Variants in WWOX observed in about 807,000 individuals in gnomAD.
WWOX encodes the protein WW domain containing oxidoreductase.
WWOX carries 69 observed loss-of-function variants against 46.2 expected under a neutral mutation model. The observed-to-expected ratio is 1.49, with a 90% CI of 1.23 to 1.82. The LOEUF is 1.82. WWOX is among the 40% of genes most tolerant of loss of function. WWOX has a pLI of 0.00. For synonymous variants in WWOX, 359 were observed against 202.6 expected, an observed-to-expected ratio of 1.77 and a Z score of -6.56; for missense variants, 919 against 542.6, an observed-to-expected ratio of 1.69 and a Z score of -6.89.
intron 5 of WWOX, among the ~76,000 whole-genome samples, chr16:78,233,564 T>G (rs2037340125): frequency 6.7e-6 from 1 of 150,186 alleles, no homozygotes; most frequent in Non-Finnish European, 1.5e-5. Context: ...TCTTGCTCTT[T>G]TGCCCAGGCT....
intron 5 of WWOX, among the ~76,000 whole-genome samples, chr16:78,332,734 A>T (rs888897364): frequency 1.3e-5 from 2 of 152,152 alleles, no homozygotes; most frequent in African/African-American, 4.8e-5. Flanking sequence ...ATGACTGAGG[A>T]TCACTGAGTG....
intron 5 of WWOX, among the ~76,000 whole-genome samples, chr16:78,276,044 G>A (rs1203183527): frequency 1.3e-5 from 2 of 152,180 alleles, no homozygotes; most frequent in African/African-American, 2.4e-5. Context: ...CTTCTGGCTG[G>A]CAGGGGTTTC....
chr16:79,170,646 C>T (rs149848303), intron 8 of WWOX, among the ~76,000 whole-genome samples: 6 of 148,916 alleles, frequency 4.0e-5, no homozygotes, highest in African/African-American at 1.2e-4. Flanking sequence ...ATGGAACTCA[C>T]TTTCACAGTC....
chr16:79,151,569 A>T (rs2050279733), intron 8 of WWOX, among the ~76,000 whole-genome samples: 1 of 152,216 alleles, frequency 6.6e-6, no homozygotes, highest in African/African-American at 2.4e-5. Context: ...TTAGAAGGCG[A>T]CAGAGCTGAG....
chr16:79,101,490 T>G (rs1184787409), intron 8 of WWOX: 1 of 152,196 alleles, frequency 6.6e-6, no homozygotes, highest in Non-Finnish European at 1.5e-5. Context: ...CAAAAATGCC[T>G]ACTCCCTATT....
At chr16:78,541,960 A>G (rs1000600247) in intron 8 of WWOX, among the ~76,000 whole-genome samples, 5 of 134,814 alleles carry the variant, frequency 3.7e-5, no homozygotes, top group African/African-American at 1.1e-4. Flanking sequence ...GACTATTTGC[A>G]TGGATTGGTG....
intron 8 of WWOX, among the ~76,000 whole-genome samples, chr16:79,151,744 T>A (rs1024260878): frequency 3.3e-5 from 5 of 152,290 alleles, no homozygotes; most frequent in African/African-American, 9.6e-5. Flanking sequence ...CCAGGGTGCC[T>A]GACAGCCAGA....
chr16:79,186,424 A>G (rs1000878893), intron 8 of WWOX, among the ~76,000 whole-genome samples: 6 of 152,264 alleles, frequency 3.9e-5, no homozygotes, highest in African/African-American at 9.6e-5. Flanking sequence ...AGCTGCAACT[A>G]TCTGACCTCT....
chr16:78,210,025 A>G (rs781190769), intron 5 of WWOX, among the ~76,000 whole-genome samples: 9 of 152,132 alleles, frequency 5.9e-5, no homozygotes, highest in Non-Finnish European at 8.8e-5. Flanking sequence ...AAAGTACGAG[A>G]AAAGCCAAAA....
intron 8 of WWOX, among the ~76,000 whole-genome samples, chr16:78,565,774 C>T (rs577917317): frequency 5.3e-5 from 8 of 152,208 alleles, no homozygotes; most frequent in East Asian, 1.9e-4. Flanking sequence ...CCAGGCTATC[C>T]GCGGAAGTAG....
intron 8 of WWOX, among the ~76,000 whole-genome samples, chr16:78,506,744 CT>C (rs1156771876): frequency 1.6e-5 from 2 of 121,688 alleles, no homozygotes; most frequent in African/African-American, 6.7e-5. Flanking sequence ...GAGTCTTGCT[CT>C]GTTGTCCAGG....
At chr16:78,376,164 C>G (rs1474187925) in intron 5 of WWOX, among the ~76,000 whole-genome samples, 1 of 152,116 alleles carries the variant, frequency 6.6e-6, no homozygotes, top group Non-Finnish European at 1.5e-5. Flanking sequence ...CTCGTAGATA[C>G]TACCCAGGAA....
chr16:78,527,606 C>G (rs1409432616), intron 8 of WWOX, among the ~76,000 whole-genome samples: 1 of 152,162 alleles, frequency 6.6e-6, no homozygotes, highest in Non-Finnish European at 1.5e-5. Flanking sequence ...ACTTGTATCT[C>G]TTAATGAGTT....
chr16:78,792,366 G>C (rs971382028), intron 8 of WWOX, among the ~76,000 whole-genome samples: 4 of 152,096 alleles, frequency 2.6e-5, no homozygotes, highest in African/African-American at 4.8e-5. Context: ...GTTAAAGGTA[G>C]AAACAGAAAA....
chr16:79,089,961 GA>G (rs1436065740), intron 8 of WWOX: 198 of 136,928 alleles, frequency 1.4e-3, no homozygotes, highest in East Asian at 2.0e-3. Context: ...GTGAACACTG[GA>G]AAAAAAAAAA....
intron 3 of WWOX, among the ~76,000 whole-genome samples, chr16:78,113,425 A>G (rs928635747): frequency 6.6e-6 from 1 of 152,228 alleles, no homozygotes; most frequent in Admixed American, 6.5e-5. Context: ...GCTATACACA[A>G]TATACAAGTG....
At chr16:78,693,536 C>G (rs2048034875) in intron 8 of WWOX, among the ~76,000 whole-genome samples, 1 of 152,098 alleles carries the variant, frequency 6.6e-6, no homozygotes, top group African/African-American at 2.4e-5. Flanking sequence ...AAAATATACA[C>G]AGAACCAAAT....
chr16:78,678,478 G>C (rs561108277), intron 8 of WWOX, among the ~76,000 whole-genome samples: 4 of 152,334 alleles, frequency 2.6e-5, no homozygotes, highest in African/African-American at 9.6e-5. Flanking sequence ...TTGAGCACCT[G>C]TTTGTTCAGG....
intron 8 of WWOX, among the ~76,000 whole-genome samples, chr16:78,917,218 C>G (rs923345045): frequency 6.6e-6 from 1 of 152,204 alleles, no homozygotes; most frequent in Non-Finnish European, 1.5e-5. Flanking sequence ...ATCTACCTTA[C>G]AGCTGTTACT....
Sources: allele counts gnomAD v4.1 joint callset (sites outside exome capture counted in the v4.1 genomes callset), GRCh38; gene constraint gnomAD v4.1.1; transcripts MANE v1.5; gene names NCBI Gene and HGNC (gene_info 2026-07-23, HGNC 2026-07-21).